The following PCDHGA2 variants were observed in gnomAD, a reference collection of about 807,000 sequenced individuals.
PCDHGA2 encodes protocadherin gamma subfamily A, 2.
Under a neutral mutation model 59.2 loss-of-function variants are expected in PCDHGA2, and 40 were observed. The observed-to-expected ratio is 0.68, with a 90% CI of 0.52 to 0.88. The LOEUF (loss-of-function observed/expected upper bound fraction) is 0.88. PCDHGA2 is among the 40% of genes least tolerant of loss of function. PCDHGA2 has a pLI of 0.00. For missense variants in PCDHGA2, 1,226 were observed against 1,204.0 expected, an observed-to-expected ratio of 1.02 and a Z score of -0.27; for synonymous variants, 560 against 526.0, an observed-to-expected ratio of 1.06 and a Z score of -0.89.
chr5:141,460,726 A>G lies in PCDHGA2; in HGVS notation c.2425-34081A>G, dbSNP rs545089217. ...GAGAATAAACTATTGTTATAAGCAT[A>G]TATACACATTGTATATATATGTGTA... On this transcript the variant is annotated intron_variant, in intron 1 of 3. Coordinates refer to ENST00000394576, the MANE Select transcript of PCDHGA2 (RefSeq NM_018915.4). Among the ~76,000 whole-genome samples the G allele has an allele frequency of 6.6e-5, 10 of 152,252 alleles. No homozygotes were observed. In the East Asian group the frequency reaches 1.9e-3, roughly 29 times the overall value.
intron 1 of PCDHGA2, among the ~76,000 whole-genome samples, chr5:141,463,135 C>T (rs1352400365): frequency 6.6e-6 from 1 of 152,246 alleles, no homozygotes; most frequent in Middle Eastern, 3.4e-3. Context: ...GGCAGTTCTT[C>T]GCCCAGCTGC....
intron 1 of PCDHGA2, chr5:141,365,466 A>C: frequency 6.2e-7 from 1 of 1,614,016 alleles, no homozygotes; most frequent in African/African-American, 1.3e-5. Flanking sequence ...TCTGGAGAAA[A>C]TGGTGAGATT....
intron 1 of PCDHGA2, chr5:141,413,755 A>G: frequency 1.2e-6 from 2 of 1,612,936 alleles, no homozygotes; most frequent in Non-Finnish European, 1.7e-6. Context: ...CAATGGCGTC[A>G]AGTACCCGGA....
In PCDHGA2 at chr5:141,511,330, T is replaced by C; in HGVS notation, c.*157T>C. 1 of 1,455,994 alleles carries C rather than the reference T, an allele frequency of 6.9e-7. No homozygotes were observed. The highest frequency in any genetic ancestry group is 9.1e-7 in the Non-Finnish European group (1 of 1,093,254). 90.2% of individuals were successfully genotyped at this position (1,455,994 alleles called of 1,614,324 possible). ...TTGGGAAACAGAAACAAGTGCCCAG[T>C]CAGCACCTACCCCTTCCCCCCCAGG... On this transcript the variant is annotated 3_prime_UTR_variant, in exon 4 of 4. Coordinates refer to ENST00000394576, the MANE Select transcript of PCDHGA2 (RefSeq NM_018915.4).
chr5:141,427,161 G>A (rs1561826750), intron 1 of PCDHGA2: 1 of 456,698 alleles, frequency 2.2e-6, no homozygotes, highest in Non-Finnish European at 4.4e-6. Flanking sequence ...GTTTGTGCTA[G>A]ACCATCAAAA....
chr5:141,413,636 T>G, intron 1 of PCDHGA2: 2 of 1,613,876 alleles, frequency 1.2e-6, no homozygotes, highest in South Asian at 2.2e-5. Context: ...GCTGCGGGAA[T>G]GCGTTTTCCT....
At chr5:141,390,515 C>T (rs1325813784) in intron 1 of PCDHGA2, 1 of 575,082 alleles carries the variant, frequency 1.7e-6, no homozygotes, top group Middle Eastern at 4.7e-4. Flanking sequence ...ATTTATAAAG[C>T]AATGAGGGTG....
intron 1 of PCDHGA2, chr5:141,361,176 T>A (rs2149821588): frequency 6.2e-7 from 1 of 1,613,882 alleles, no homozygotes; most frequent in Non-Finnish European, 8.5e-7. Flanking sequence ...CACCTGAAGT[T>A]ATTGTGACTT....
chr5:141,384,817 CA>C (rs1780547722), intron 1 of PCDHGA2: 1 of 1,613,416 alleles, frequency 6.2e-7, no homozygotes, highest in Non-Finnish European at 8.5e-7. Flanking sequence ...TGCCCTCAAG[CA>C]GAGCCTCGTG....
At chr5:141,405,488 C>T (rs781076927) in intron 1 of PCDHGA2, 5 of 895,936 alleles carry the variant, frequency 5.6e-6, no homozygotes, top group Middle Eastern at 2.9e-4. Context: ...GGTGTGATCT[C>T]GGCTCATTGC....
rs1594666821 is a variant in PCDHGA2, at chr5:141,487,316, T to C, written c.2425-7491T>C. 6.2e-7 allele frequency: 1 copy of C among 1,614,164 alleles called. No individual in the cohort carries two copies. Among genetic ancestry groups the C allele is most frequent in the South Asian group, 1.1e-5 (1 of 91,080 alleles). On this transcript the variant is annotated intron_variant, in intron 1 of 3. Coordinates refer to ENST00000394576, the MANE Select transcript of PCDHGA2 (RefSeq NM_018915.4). This position sits in a 1 kb window ranked among gnomAD's most constrained non-coding sequence, Gnocchi z 5.0. ...CTCATTCGTGGCACTACTCTCTAAG[T>C]GTCTTCGTGGGGCAGCCTGTGGAGT... is the stretch of plus-strand genomic sequence containing the variant.
chr5:141,392,366 G>C (rs956315393), intron 1 of PCDHGA2: 4 of 152,962 alleles, frequency 2.6e-5, no homozygotes, highest in East Asian at 1.9e-4. Context: ...GCTACAATCT[G>C]ATCATTCTGA....
chr5:141,346,278 T>C (rs1199297645), intron 1 of PCDHGA2: 1 of 1,614,198 alleles, frequency 6.2e-7, no homozygotes, highest in South Asian at 1.1e-5. Flanking sequence ...GGTTCGGGCT[T>C]TCCTGCAGAC....
Position 141,490,693 on chromosome 5 carries a change from G to C in PCDHGA2, c.2425-4114G>C. 2 of 1,614,170 alleles carry C rather than the reference G, an allele frequency of 1.2e-6. No homozygotes were observed. Among genetic ancestry groups the C allele is most frequent in the Non-Finnish European group, 1.7e-6 (2 of 1,180,018 alleles). ...GGCTGCCTCAGATCCAGACACTGGG[G>C]ATAATGCCCGCCTCACCTACTCCAT... is the stretch of plus-strand genomic sequence containing the variant. On this transcript the variant is annotated intron_variant, in intron 1 of 3. Coordinates refer to ENST00000394576, the MANE Select transcript of PCDHGA2 (RefSeq NM_018915.4). This position sits in a 1 kb window ranked among gnomAD's most constrained non-coding sequence, Gnocchi z 5.4.
chr5:141,347,945 G>C (rs1758040915), intron 1 of PCDHGA2, among the ~76,000 whole-genome samples: 1 of 152,180 alleles, frequency 6.6e-6, no homozygotes, highest in African/African-American at 2.4e-5. Flanking sequence ...CCTTGGAGTG[G>C]TATTTCTTGT....
rs2099615088 is a variant in PCDHGA2, at chr5:141,485,526, G to A, written c.2425-9281G>A. On this transcript the variant is annotated intron_variant, in intron 1 of 3. Coordinates refer to ENST00000394576, the MANE Select transcript of PCDHGA2 (RefSeq NM_018915.4). The surrounding 1 kb of genome is among the most constrained non-coding windows in gnomAD (Gnocchi z 5.7). Reference sequence around the variant, plus strand: ...ACCGAAGGTCCTTTGGAAATGTACCGAGCAGAGGTAGAGATCGTAGATGTG... The same window carrying A: ...ACCGAAGGTCCTTTGGAAATGTACCAAGCAGAGGTAGAGATCGTAGATGTG... 6.2e-7 allele frequency: 1 copy of A among 1,614,154 alleles called. No individual in the cohort carries two copies. The highest frequency in any genetic ancestry group is 2.2e-5 in the East Asian group (1 of 44,880).
chr5:141,477,265 G>A lies in PCDHGA2; in HGVS notation c.2425-17542G>A. The A allele has an allele frequency of 6.2e-7, 1 of 1,614,198 alleles. No individual in the cohort carries two copies. Among genetic ancestry groups the A allele is most frequent in the African/African-American group, 1.3e-5 (1 of 75,048 alleles). On this transcript the variant is annotated intron_variant, in intron 1 of 3. Transcript: ENST00000394576. The surrounding 1 kb of genome is among the most constrained non-coding windows in gnomAD (Gnocchi z 4.9). ...GTGTGACTGACCTGGATGCTGGCGA[G>A]AACGGGCTGGTGACCTGCGAAGTTC...
At chr5:141,345,511 A>C in intron 1 of PCDHGA2, 2 of 1,614,146 alleles carry the variant, frequency 1.2e-6, no homozygotes, top group Non-Finnish European at 1.7e-6. Flanking sequence ...GCATTGACCG[A>C]GGACACTCTC....
At chr5:141,478,487 A>G (rs1593917832) in intron 1 of PCDHGA2, 1 of 1,613,454 alleles carries the variant, frequency 6.2e-7, no homozygotes, top group South Asian at 1.1e-5. Flanking sequence ...CACGCTGCGG[A>G]GCTGTGATCC....
Sources: gnomAD v4.1 joint callset for allele counts (sites outside exome capture counted in the v4.1 genomes callset) on GRCh38, gnomAD v4.1.1 for gene constraint, Gnocchi (gnomAD v3.1) non-coding constraint, MANE v1.5 for transcripts, NCBI Gene and HGNC (gene_info 2026-07-23, HGNC 2026-07-21) for gene names.